TBC1D9B: variants seen among roughly 807,000 people sequenced by gnomAD.
The protein encoded by TBC1D9B is TBC1 domain family, member 9B (with GRAM domain).
In TBC1D9B, 87 loss-of-function variants were observed where a neutral mutation model predicts 121.1. The ratio of observed to expected loss-of-function variants is 0.72; its 90% CI spans 0.60 to 0.86. The LOEUF (loss-of-function observed/expected upper bound fraction) is 0.86. Ranked by LOEUF, TBC1D9B falls within the 40% of genes least tolerant of loss-of-function variation. TBC1D9B has a pLI of 0.00. For missense variants in TBC1D9B, 1,540 were observed against 1,628.6 expected (o/e 0.95, Z 0.94); for synonymous variants, 668 against 670.1 (o/e 1.00, Z 0.05).
chr5:179,906,573 T>C (rs1374575571), intron 1 of TBC1D9B, among the ~76,000 whole-genome samples: 2 of 152,088 alleles, frequency 1.3e-5, no homozygotes, highest in Non-Finnish European at 2.9e-5. Flanking sequence ...GGGCTTGCAG[T>C]AGCTTCGAGG....
Position 179,874,964 on chromosome 5 carries a change from G to GC in TBC1D9B, c.2123_2124insG (p.Asp708GlufsTer26), listed in dbSNP as rs1561636720. The GC allele has an allele frequency of 3.7e-6, 6 of 1,613,786 alleles. No individual in the cohort carries two copies. Among genetic ancestry groups the GC allele is most frequent in the Non-Finnish European group, 5.1e-6 (6 of 1,180,036 alleles). ...AGCCCAGCAGCTGCTCCATGTTGGC[G>GC]TCCAGGACGGCCAGGGCCACCTGCA... On this transcript the variant is annotated frameshift_variant, in exon 12 of 21. Coordinates refer to ENST00000355235, the MANE Select transcript of TBC1D9B (RefSeq NM_015043.4). LOFTEE classifies it high-confidence loss of function. This position sits in a 1 kb window ranked among gnomAD's most constrained non-coding sequence, Gnocchi z 4.3.
rs1759870304 is a variant in TBC1D9B, at chr5:179,862,403, G to C, written c.*1045C>G. ...CTGGGGCCCCCTGCGGTCACCTTTG[G>C]CTCCACAGTCTGGTTCTTGAACCCA... is the stretch of plus-strand genomic sequence containing the variant. On this transcript the variant is annotated 3_prime_UTR_variant, in exon 21 of 21. Transcript: ENST00000355235. 1 of 366,070 alleles carries C rather than the reference G, an allele frequency of 2.7e-6. No homozygotes were observed. The highest frequency in any genetic ancestry group is 2.1e-5 in the African/African-American group (1 of 48,048). The allele number at this position is 366,070 out of a possible 1,614,324, so 22.7% of individuals were successfully genotyped here.
At position 179,875,044 on chromosome 5, in the gene TBC1D9B, C is replaced by T. The variant is rs776359865; in HGVS notation, c.2044G>A (p.Glu682Lys). ...CAGTCGACGATGACCACGGCGCTCT[C>T]GAAGGGCATGACGCTGAGGAAGAGG... ...LTLFLSVMPF[E>K]SAVVIVDCFF... The change falls in exon 12 of 21, where the codon GAG (glutamate) becomes AAG (lysine). Residue 682 changes from glutamate to lysine, a missense_variant. Transcript: ENST00000355235. The surrounding 1 kb of genome is among the most constrained non-coding windows in gnomAD (Gnocchi z 4.5). 36 of 1,613,980 alleles carry T rather than the reference C, an allele frequency of 2.2e-5. No individual in the cohort carries two copies. The highest frequency in any genetic ancestry group is 2.7e-5 in the Non-Finnish European group (32 of 1,180,046).
At position 179,862,890 on chromosome 5, in the gene TBC1D9B, C is replaced by G; in HGVS notation, c.*558G>C. 3.2e-6 allele frequency: 1 copy of G among 311,804 alleles called. No homozygotes were observed. The highest frequency in any genetic ancestry group is 6.6e-6 in the Non-Finnish European group (1 of 152,622). The allele number at this position is 311,804 out of a possible 1,614,324, so 19.3% of individuals were successfully genotyped here. The stretch of plus-strand genomic sequence containing the variant: ...AGCTGAGAGCACGTGTACAGCCACG[C>G]CTGTGCGCAGCGCCCACTCTGTGCA... On this transcript the variant is annotated 3_prime_UTR_variant, in exon 21 of 21. Coordinates refer to ENST00000355235, the MANE Select transcript of TBC1D9B (RefSeq NM_015043.4).
chr5:179,875,974 G>A lies in TBC1D9B; in HGVS notation c.1846C>T (p.Leu616=), dbSNP rs771241906. The A allele has an allele frequency of 5.0e-5, 80 of 1,612,048 alleles. No homozygotes were observed. In the Admixed American group the frequency reaches 9.4e-4, roughly 19 times the overall value. ...AGCATGCGCTCGCACAGGGCCACCA[G>A]GAGCCAGAAGGCCTCCTCCTCACTG... is the stretch of plus-strand genomic sequence containing the variant. ...YGSEEEAFWL[L]VALCERMLPD... The change falls in exon 11 of 21, where the codon CTG becomes TTG. Residue 616 remains leucine (L), a synonymous_variant. Coordinates refer to ENST00000355235, the MANE Select transcript of TBC1D9B (RefSeq NM_015043.4). The surrounding 1 kb of genome is among the most constrained non-coding windows in gnomAD (Gnocchi z 4.5).
rs1582071236 is a variant in TBC1D9B at position 179,865,189 on chromosome 5, T to C, written c.3021+65A>G. On this transcript the variant is annotated intron_variant, in intron 20 of 20. Coordinates refer to ENST00000355235, the MANE Select transcript of TBC1D9B (RefSeq NM_015043.4). The surrounding 1 kb of genome is among the most constrained non-coding windows in gnomAD (Gnocchi z 5.1). ...AGATGCTGCAGTGCAGGTGCGGTGA[T>C]GTTAGGGCCCAGTCTTGGTCAGAAC... 1 of 1,483,446 alleles carries C rather than the reference T, an allele frequency of 6.7e-7. No homozygotes were observed. The highest frequency in any genetic ancestry group is 9.4e-7 in the Non-Finnish European group (1 of 1,061,708). The allele number at this position is 1,483,446 out of a possible 1,614,324, so 91.9% of individuals were successfully genotyped here. A position where few individuals can be genotyped will look rare whatever the true frequency, so the allele number is the denominator to read the frequency against.
At chr5:179,880,146 G>C (rs1760498881) in intron 7 of TBC1D9B, 2 of 288,226 alleles carry the variant, frequency 6.9e-6, no homozygotes, top group South Asian at 1.1e-4. Context: ...CCCACCCTCG[G>C]GCCCATGCTT....
At position 179,869,850 on chromosome 5, in the gene TBC1D9B, G is replaced by T; in HGVS notation, c.2726-16C>A. ...TACATCCCGCCTGTGGAGAAGGCCA[G>T]GGAGGGCTGGGTCTGGCAACATGGC... On this transcript the variant is annotated splice_polypyrimidine_tract_variant and intron_variant, in intron 16 of 20. Transcript: ENST00000355235. 6.5e-7 allele frequency: 1 copy of T among 1,537,034 alleles called. No individual in the cohort carries two copies. The highest frequency in any genetic ancestry group is 2.3e-5 in the East Asian group (1 of 44,222).
At chr5:179,869,900 G>T in intron 16 of TBC1D9B, 66 bp from the exon 17 acceptor site, 2 of 1,421,946 alleles carry the variant, frequency 1.4e-6, no homozygotes, top group South Asian at 1.4e-5. Context: ...CAGGGGGTCC[G>T]AGTAGGACCC....
chr5:179,874,996 C>A lies in TBC1D9B; in HGVS notation c.2092G>T (p.Val698Leu). ...VDCFFYEGIK[V>L]ILQVALAVLD... is the part of the protein sequence containing the mutation. ...ACGGCCAGGGCCACCTGCAGGATCA[C>A]CTTGATGCCCTCATAGAAAAAGCAG... The change falls in exon 12 of 21, where the codon GTG becomes TTG. Residue 698 changes from valine (V) to leucine (L), a missense_variant. Coordinates refer to ENST00000355235, the MANE Select transcript of TBC1D9B (RefSeq NM_015043.4). The surrounding 1 kb of genome is among the most constrained non-coding windows in gnomAD (Gnocchi z 4.3). 1 of 1,614,006 alleles carries A rather than the reference C, an allele frequency of 6.2e-7. No individual in the cohort carries two copies. The highest frequency in any genetic ancestry group is 8.5e-7 in the Non-Finnish European group (1 of 1,180,056).
chr5:179,897,109 G>C (rs1163445785), intron 3 of TBC1D9B, among the ~76,000 whole-genome samples: 1 of 151,426 alleles, frequency 6.6e-6, no homozygotes, highest in African/African-American at 2.4e-5. Flanking sequence ...GGGTTTCACT[G>C]TGTTAGCCAG....
At position 179,876,044 on chromosome 5, in the gene TBC1D9B, G is replaced by A; in HGVS notation, c.1783-7C>T. On this transcript the variant is annotated splice_region_variant and splice_polypyrimidine_tract_variant and intron_variant, in intron 10 of 20. Transcript: ENST00000355235. ...AGGTCACGATGTTCATTGCCTGCCGGGCACAGAGACAGCCGGGGAAGGCTT... is the reference window on the plus strand; with the variant it reads ...AGGTCACGATGTTCATTGCCTGCCGAGCACAGAGACAGCCGGGGAAGGCTT... 3 of 1,611,184 alleles carry A rather than the reference G, an allele frequency of 1.9e-6. No individual in the cohort carries two copies. The South Asian group carries it at 3.3e-5, about 18-fold the overall frequency.
intron 12 of TBC1D9B, 125 bp from the exon 13 acceptor site, chr5:179,873,373 T>C: frequency 7.3e-7 from 1 of 1,367,516 alleles, no homozygotes; most frequent in African/African-American, 1.5e-5. Context: ...TGCAGAGGAC[T>C]GGGCACCCTG....
intron 10 of TBC1D9B, among the ~76,000 whole-genome samples, chr5:179,876,977 G>A (rs914073598): frequency 6.6e-6 from 1 of 151,006 alleles, no homozygotes; most frequent in African/African-American, 2.4e-5. Context: ...AGGCTGAAGT[G>A]GGAGGATCGA....
At chr5:179,879,490 A>G (rs567750) in intron 8 of TBC1D9B, 138 bp downstream of exon 8, 59,521 of 1,349,642 alleles carry the variant, frequency 0.044, 5,230 homozygotes, top group African/African-American at 0.36. Context: ...TCACGCTGCC[A>G]GGGTGCAGCC....
rs764706553 is a variant in TBC1D9B at position 179,878,364 on chromosome 5, A to AG, written c.1726dup (p.Leu576ProfsTer34). On this transcript the variant is annotated frameshift_variant, in exon 10 of 21. Coordinates refer to ENST00000355235, the MANE Select transcript of TBC1D9B (RefSeq NM_015043.4). LOFTEE classifies it high-confidence loss of function. ...GGCATAGGCAGTCAGCACCCGCCGGAGGGCAGCAATCCCCAGCTCGTTCTG... is the reference window on the plus strand; with the variant it reads ...GGCATAGGCAGTCAGCACCCGCCGGAGGGGCAGCAATCCCCAGCTCGTTCTG... The AG allele has an allele frequency of 6.2e-7, 1 of 1,613,980 alleles. No individual in the cohort carries two copies. The highest frequency in any genetic ancestry group is 8.5e-7 in the Non-Finnish European group (1 of 1,180,008).
chr5:179,904,596 A>C lies in TBC1D9B; in HGVS notation c.229+106T>G. The C allele has an allele frequency of 2.1e-6, 2 of 970,592 alleles. No homozygotes were observed. The highest frequency in any genetic ancestry group is 1.7e-5 in the African/African-American group (1 of 60,256). The allele number at this position is 970,592 out of a possible 1,614,324, so 60.1% of individuals were successfully genotyped here. A position where few individuals can be genotyped will look rare whatever the true frequency, so the allele number is the denominator to read the frequency against. On this transcript the variant is annotated intron_variant, in intron 2 of 20. Coordinates refer to ENST00000355235, the MANE Select transcript of TBC1D9B (RefSeq NM_015043.4). This position sits in a 1 kb window ranked among gnomAD's most constrained non-coding sequence, Gnocchi z 4.2. Reference sequence around the variant, plus strand: ...TCTTGCAGCCTTGGGCTATGCTGTCAGCAGGGAATACCACCCAGACACGTG... The same window carrying C: ...TCTTGCAGCCTTGGGCTATGCTGTCCGCAGGGAATACCACCCAGACACGTG...
At chr5:179,867,329 G>T in intron 18 of TBC1D9B, 2 of 1,178,224 alleles carry the variant, frequency 1.7e-6, no homozygotes, top group Non-Finnish European at 2.4e-6. Context: ...CAGAACTTAT[G>T]CCCCAGAGGA....
Position 179,894,462 on chromosome 5 carries a change from G to A in TBC1D9B, c.501C>T (p.Gly167=). 2 of 1,614,184 alleles carry A rather than the reference G, an allele frequency of 1.2e-6. No individual in the cohort carries two copies. The highest frequency in any genetic ancestry group is 1.7e-6 in the Non-Finnish European group (2 of 1,180,002). The change falls in exon 4 of 21, where the codon GGC becomes GGT. Residue 167 remains glycine (G), a synonymous_variant. Coordinates refer to ENST00000355235, the MANE Select transcript of TBC1D9B (RefSeq NM_015043.4). ...VNYYSCSYWK[G]RVPRQGWLYL... ...ACAGCCAGCCCTGCCGGGGCACGCG[G>A]CCCTTCCAGTAGCTGCAGGAGTAGT...
Sources: gnomAD v4.1 joint callset for allele counts (sites outside exome capture counted in the v4.1 genomes callset) on GRCh38, gnomAD v4.1.1 for gene constraint, Gnocchi (gnomAD v3.1) non-coding constraint, MANE v1.5 for transcripts, NCBI Gene and HGNC (gene_info 2026-07-23, HGNC 2026-07-21) for gene names.